Variants in TRPV5 observed in about 807,000 individuals in gnomAD.
The protein encoded by TRPV5 is calcium transport protein 2.
Under a neutral mutation model 74.1 loss-of-function variants are expected in TRPV5, and 66 were observed. The observed-to-expected ratio is 0.89, with a 90% CI of 0.73 to 1.09. The LOEUF is 1.09. Ranked by LOEUF, TRPV5 falls within the 50% of genes least tolerant of loss-of-function variation. The pLI is 0.00. For missense variants in TRPV5, 936 were observed against 930.4 expected (o/e 1.01, Z -0.08); for synonymous variants, 399 against 360.7 (o/e 1.11, Z -1.20).
chr7:142,923,678 G>T (rs1219648576), intron 8 of TRPV5, among the ~76,000 whole-genome samples: 1 of 152,214 alleles, frequency 6.6e-6, no homozygotes, highest in Non-Finnish European at 1.5e-5. Context: ...AAGAGAGAAA[G>T]AAAGAAGGAT....
Position 142,912,524 on chromosome 7 carries a change from G to A in TRPV5, c.1746C>T (p.His582=), listed in dbSNP as rs888487072. Residue 582 remains histidine, a synonymous_variant, in exon 13 of 15, where the codon CAC becomes CAT. Transcript: ENST00000265310. ...CATCCCTCTCCTGGGCCACCCTCCA[G>A]TGGGTGTCGCCCATCATGGCGATGA... is the stretch of plus-strand genomic sequence containing the variant. ...NLFIAMMGDT[H]WRVAQERDEL... is the part of the protein sequence containing the mutation. 1.2e-6 allele frequency: 2 copies of A among 1,614,242 alleles called. No individual in the cohort carries two copies. Among genetic ancestry groups the A allele is most frequent in the African/African-American group, 1.3e-5 (1 of 75,060 alleles).
chr7:142,911,897 T>A (rs1384590184), intron 13 of TRPV5, among the ~76,000 whole-genome samples: 2 of 152,178 alleles, frequency 1.3e-5, no homozygotes, highest in Non-Finnish European at 2.9e-5. Flanking sequence ...TTTAGCTCAA[T>A]GCGACATAAA....
chr7:142,915,688 T>G, intron 8 of TRPV5, 120 bp from the exon 9 acceptor site: 1 of 877,732 alleles, frequency 1.1e-6, no homozygotes, highest in Non-Finnish European at 1.7e-6. Context: ...CCCACCAGCA[T>G]CACCCCACCC....
chr7:142,932,107 T>C (rs1796105583), intron 1 of TRPV5, among the ~76,000 whole-genome samples: 1 of 152,172 alleles, frequency 6.6e-6, no homozygotes, highest in South Asian at 2.1e-4. Flanking sequence ...GTCAGTTCCC[T>C]GCCCCGTCTC....
At chr7:142,927,810 T>C (rs1210048751) in intron 7 of TRPV5, among the ~76,000 whole-genome samples, 1 of 152,112 alleles carries the variant, frequency 6.6e-6, no homozygotes, top group Non-Finnish European at 1.5e-5. Context: ...GCTGAACCAA[T>C]GAATGAATAT....
chr7:142,921,744 C>T (rs1795888897), intron 8 of TRPV5, among the ~76,000 whole-genome samples: 1 of 152,180 alleles, frequency 6.6e-6, no homozygotes, highest in Non-Finnish European at 1.5e-5. Flanking sequence ...GACTTCCCAT[C>T]CCCCTGGGGA....
chr7:142,927,975 C>G lies in TRPV5; in HGVS notation c.909+113G>C, dbSNP rs4252419. 36 of 1,328,792 alleles carry G rather than the reference C, an allele frequency of 2.7e-5. 1 individual carries two copies. The South Asian group carries it at 4.3e-4, about 16-fold the overall frequency. 82.3% of individuals were successfully genotyped at this position (1,328,792 alleles called of 1,614,324 possible). A position where few individuals can be genotyped will look rare whatever the true frequency, so the allele number is the denominator to read the frequency against. The stretch of plus-strand genomic sequence containing the variant: ...TCCCAGGAGACTATTCTCATCTCCA[C>G]CTATTATAAGGCTGGGAAGTGTCTC... On this transcript the variant is annotated intron_variant, in intron 7 of 14. Transcript: ENST00000265310.
chr7:142,913,182 AG>A (rs1795732071), intron 12 of TRPV5, among the ~76,000 whole-genome samples: 1 of 152,240 alleles, frequency 6.6e-6, no homozygotes, highest in Non-Finnish European at 1.5e-5. Context: ...ACAGGCTAAA[AG>A]AAGAGCCCCT....
intron 1 of TRPV5, among the ~76,000 whole-genome samples, chr7:142,931,271 G>A (rs1796092166): frequency 6.6e-6 from 1 of 152,056 alleles, no homozygotes; most frequent in African/African-American, 2.4e-5. Context: ...CAATCCGCCT[G>A]CCTTGGCCTC....
rs1010840991 is a variant in TRPV5, at chr7:142,917,740, G to A, written c.1123-2172C>T. ...GACTGACCTAGAGTAGCTGCCTCCA[G>A]CACTCTGTCCCCGGGGTCCTTACCC... On this transcript the variant is annotated intron_variant, in intron 8 of 14. Coordinates refer to ENST00000265310, the MANE Select transcript of TRPV5 (RefSeq NM_019841.7). Among the ~76,000 whole-genome samples, 52 of 152,310 alleles carry A rather than the reference G, an allele frequency of 3.4e-4. 1 individual carries two copies. Among genetic ancestry groups the A allele is most frequent in the African/African-American group, 1.2e-3 (50 of 41,560 alleles).
chr7:142,926,825 T>C (rs1795996550), intron 7 of TRPV5, among the ~76,000 whole-genome samples: 1 of 152,230 alleles, frequency 6.6e-6, no homozygotes, highest in African/African-American at 2.4e-5. Flanking sequence ...TGTATCTGTT[T>C]CCAGGGATAT....
chr7:142,925,796 A>G (rs1484357996), intron 7 of TRPV5, 55 bp from the exon 8 acceptor site: 1 of 1,511,088 alleles, frequency 6.6e-7, no homozygotes, highest in Non-Finnish European at 9.1e-7. Flanking sequence ...GATGTTGTTT[A>G]TCCCACTGGG....
chr7:142,923,484 C>T (rs933331419), intron 8 of TRPV5, among the ~76,000 whole-genome samples: 3 of 152,110 alleles, frequency 2.0e-5, no homozygotes, highest in Non-Finnish European at 2.9e-5. Context: ...AGCATAGGGA[C>T]TTTTCATTAG....
chr7:142,933,442 A>G lies in TRPV5; in HGVS notation c.18T>C (p.Pro6=). 6.2e-7 allele frequency: 1 copy of G among 1,613,660 alleles called. No individual in the cohort carries two copies. The highest frequency in any genetic ancestry group is 8.5e-7 in the Non-Finnish European group (1 of 1,179,832). Residue 6 remains proline (P), a synonymous_variant, in exon 1 of 15, where the codon CCT becomes CCC. Transcript: ENST00000265310. The part of the protein sequence containing the change: MGGFL[P]KAEGPGSQLQ... ...GTTGGCTCCCGGGCCCTTCTGCCTT[A>G]GGTAGAAAACCCCCCATGTCTTCTC... is the stretch of plus-strand genomic sequence containing the variant.
rs756706366 is a variant in TRPV5, at chr7:142,929,074, G to T, written c.534C>A (p.Ile178=). The change falls in exon 5 of 15, where the codon ATC becomes ATA. Residue 178 remains isoleucine, a synonymous_variant. Transcript: ENST00000265310. ...SFAACVNSEE[I]VRLLIEHGAD... The stretch of plus-strand genomic sequence containing the variant: ...CTCCATGCTCAATGAGCAGCCGCAC[G>T]ATCTCCTCGCTGTTCACACAGGCAG... 1.2e-6 allele frequency: 2 copies of T among 1,614,046 alleles called. No homozygotes were observed.
chr7:142,922,631 C>T (rs1483534886), intron 8 of TRPV5, among the ~76,000 whole-genome samples: 1 of 152,140 alleles, frequency 6.6e-6, no homozygotes, highest in East Asian at 1.9e-4. Context: ...GGTTAAAAAT[C>T]ACAGATCTGG....
At chr7:142,912,331 T>G (rs1795713015) in intron 13 of TRPV5, 151 bp downstream of exon 13, 1 of 987,030 alleles carries the variant, frequency 1.0e-6, no homozygotes, top group South Asian at 1.7e-5. Flanking sequence ...TTTATCCACA[T>G]GTACCTCAGG....
In TRPV5 at chr7:142,925,576, G is replaced by A. The variant is rs145819800; in HGVS notation, c.1075C>T (p.Arg359Cys). The change falls in exon 8 of 15, where the codon CGC becomes TGC. Residue 359 changes from arginine to cysteine, a missense_variant. Transcript: ENST00000265310. ...ATGGTGATGTCTCGAGAATGAGTGC[G>A]GTTGCCACCACGAAACTTAAGGGGG... ...YRPLKFRGGNRTHSRDITILQ... is the reference protein window; with the variant it reads ...YRPLKFRGGNCTHSRDITILQ... The A allele has an allele frequency of 2.4e-5, 39 of 1,614,036 alleles. No homozygotes were observed. The highest frequency in any genetic ancestry group is 4.5e-5 in the East Asian group (2 of 44,894).
At chr7:142,924,402 G>GTA (rs1411981901) in intron 8 of TRPV5, among the ~76,000 whole-genome samples, 2 of 135,366 alleles carry the variant, frequency 1.5e-5, no homozygotes, top group Admixed American at 7.6e-5. Flanking sequence ...ACATATACAT[G>GTA]TATATATATA....
Sources: allele counts gnomAD v4.1 joint callset (sites outside exome capture counted in the v4.1 genomes callset), GRCh38; gene constraint gnomAD v4.1.1; transcripts MANE v1.5; gene names NCBI Gene and HGNC (gene_info 2026-07-23, HGNC 2026-07-21).